BRDT: variants seen among roughly 807,000 people sequenced by gnomAD.
BRDT encodes bromodomain testis-specific protein.
Under a neutral mutation model 113.9 loss-of-function variants are expected in BRDT, and 77 were observed. That is an observed-to-expected ratio of 0.68 (90% CI 0.56 to 0.82). The LOEUF (loss-of-function observed/expected upper bound fraction) is 0.82. Ranked by LOEUF, BRDT falls within the 40% of genes least tolerant of loss-of-function variation. BRDT has a pLI of 0.00. For missense variants in BRDT, 1,027 were observed against 1,105.4 expected (o/e 0.93, Z 1.01); for synonymous variants, 358 against 366.5 (o/e 0.98, Z 0.26).
rs769643899 is a variant in BRDT at position 91,962,886 on chromosome 1, G to A, written c.132G>A (p.Trp44Ter). The A allele has an allele frequency of 6.2e-7, 1 of 1,612,202 alleles. No individual in the cohort carries two copies. Among genetic ancestry groups the A allele is most frequent in the South Asian group, 1.1e-5 (1 of 90,516 alleles). ...AAAAAGTTGTCCTAAAGGATTTATG[G>A]AAGCATAGTTTTTCATGGCCCTTTC... ...YLQKVVLKDLWKHSFSWPFQR... is the reference protein window; with the variant it reads ...YLQKVVLKDL Residue 44 changes from tryptophan to a stop codon, truncating the protein, a stop_gained, in exon 2 of 19, where the codon TGG becomes TGA. Coordinates refer to ENST00000399546, the MANE Select transcript of BRDT (RefSeq NM_207189.4). LOFTEE classifies it high-confidence loss of function.
intron 15 of BRDT, among the ~76,000 whole-genome samples, chr1:91,995,401 T>C (rs953062244): frequency 3.2e-5 from 4 of 124,816 alleles, no homozygotes; most frequent in African/African-American, 1.2e-4. Context: ...CTCCCTACTA[T>C]TCTGTGTGTG....
intron 16 of BRDT, among the ~76,000 whole-genome samples, chr1:92,002,912 C>A (rs1046201302): frequency 2.0e-5 from 3 of 152,158 alleles, no homozygotes; most frequent in African/African-American, 7.2e-5. Flanking sequence ...AAGGTGTTTT[C>A]AGAAACTATG....
intron 16 of BRDT, among the ~76,000 whole-genome samples, chr1:92,003,503 T>C (rs1275193673): frequency 2.0e-5 from 3 of 152,194 alleles, no homozygotes; most frequent in Non-Finnish European, 4.4e-5. Context: ...ATGTGGCTAA[T>C]TGAGCCCTTG....
chr1:91,960,817 T>C (rs775464797), intron 1 of BRDT, among the ~76,000 whole-genome samples: 4 of 152,214 alleles, frequency 2.6e-5, no homozygotes, highest in Non-Finnish European at 2.9e-5. Flanking sequence ...GGGCAACTTA[T>C]TTCATTTTCA....
chr1:91,956,046 C>T (rs1017923963), intron 1 of BRDT, among the ~76,000 whole-genome samples: 1 of 152,120 alleles, frequency 6.6e-6, no homozygotes, highest in Non-Finnish European at 1.5e-5. Context: ...TATAGCCTTC[C>T]CACAGGCCTT....
intron 6 of BRDT, 49 bp from the exon 7 acceptor site, chr1:91,978,119 A>C (rs1426419485): frequency 6.6e-7 from 1 of 1,513,074 alleles, no homozygotes; most frequent in Non-Finnish European, 9.1e-7. Context: ...TGGTCAAATA[A>C]TTATTGAATT....
chr1:91,990,055 G>C (rs1396403682), intron 12 of BRDT, among the ~76,000 whole-genome samples: 6 of 152,182 alleles, frequency 3.9e-5, no homozygotes, highest in African/African-American at 1.2e-4. Flanking sequence ...AGCTGGCTTG[G>C]AGAGACTGAT....
Position 92,002,090 on chromosome 1 carries a change from C to G in BRDT, c.2329C>G (p.Pro777Ala). 1 of 1,613,942 alleles carries G rather than the reference C, an allele frequency of 6.2e-7. No individual in the cohort carries two copies. Among genetic ancestry groups the G allele is most frequent in the Non-Finnish European group, 8.5e-7 (1 of 1,179,870 alleles). The change falls in exon 16 of 19, where the codon CCA becomes GCA. Residue 777 changes from proline to alanine, a missense_variant. Pro to Ala is a conservative substitution (Grantham distance 27). Transcript: ENST00000399546. Reference protein sequence around the residue: ...QLSNGITVMHPSGDSDTTMLE... With the variant: ...QLSNGITVMHASGDSDTTMLE... Reference sequence around the variant, plus strand: ...CTCAAATGGCATAACTGTGATGCATCCATCTGGTGATAGTGACACAACGAT... The same window carrying G: ...CTCAAATGGCATAACTGTGATGCATGCATCTGGTGATAGTGACACAACGAT...
intron 12 of BRDT, among the ~76,000 whole-genome samples, chr1:91,986,336 A>G (rs559931305): frequency 6.6e-6 from 1 of 152,350 alleles, no homozygotes; most frequent in African/African-American, 2.4e-5. Flanking sequence ...AAAAATCAAA[A>G]GGAACAGCTT....
In BRDT at chr1:91,962,757, GTC is replaced by G. The variant is rs1447947106; in HGVS notation, c.7_8del (p.Leu3AlafsTer10). 5.1e-6 allele frequency: 8 copies of G among 1,583,306 alleles called. No homozygotes were observed. In the African/African-American group the frequency reaches 5.5e-5, roughly 11 times the overall value. ...GACAGGATTCAAAGCAGTTAAGAAT[GTC>G]TCTGCCAAGTCGACAAACAGCTATT... Reference protein sequence around the residue: MSLPSRQTAIIV... With the variant: MXLPSRQTAIIV... On this transcript the variant is annotated frameshift_variant, in exon 2 of 19. Coordinates refer to ENST00000399546, the MANE Select transcript of BRDT (RefSeq NM_207189.4). LOFTEE classifies it high-confidence loss of function.
intron 14 of BRDT, 81 bp from the exon 15 acceptor site, chr1:91,994,002 T>C (rs533001336): frequency 8.8e-7 from 1 of 1,139,588 alleles, no homozygotes; most frequent in South Asian, 2.0e-5. Flanking sequence ...AATTATATTC[T>C]TGACTCTTGT....
In BRDT at chr1:92,008,114, C is replaced by T. The variant is rs536034086; in HGVS notation, c.2775+2815C>T. Among the ~76,000 whole-genome samples the T allele has an allele frequency of 4.2e-3, 632 of 152,216 alleles. 2 individuals are homozygous for T. Among genetic ancestry groups the T allele is most frequent in the African/African-American group, 0.014 (574 of 41,530 alleles). Reference sequence around the variant, plus strand: ...TGTATTTTTAGTAGAGCCAAGGTTTCGCCATGTTGGCCAGGCTAGTCTCGA... The same window carrying T: ...TGTATTTTTAGTAGAGCCAAGGTTTTGCCATGTTGGCCAGGCTAGTCTCGA... On this transcript the variant is annotated intron_variant, in intron 18 of 18. Transcript: ENST00000399546.
chr1:91,951,011 G>C (rs1313373653), intron 1 of BRDT, among the ~76,000 whole-genome samples: 1 of 123,608 alleles, frequency 8.1e-6, no homozygotes, highest in African/African-American at 2.9e-5. Flanking sequence ...CTGGATGACA[G>C]TGAGACTCCG....
intron 3 of BRDT, among the ~76,000 whole-genome samples, chr1:91,965,372 G>C (rs1233426803): frequency 2.6e-5 from 4 of 152,078 alleles, no homozygotes; most frequent in African/African-American, 9.7e-5. Context: ...ATGAGAGCTG[G>C]TTTCTGTGAA....
rs1034896594 is a variant in BRDT, at chr1:92,000,156, G to T, written c.2288-1893G>T. On this transcript the variant is annotated intron_variant, in intron 15 of 18. Transcript: ENST00000399546. ...GCCTCCCAAAGTGCTGGGATTGCAG[G>T]CCTGAGCCAGTGCACCCAGTCTGGT... 1.1e-4 allele frequency among the ~76,000 whole-genome samples: 16 copies of T among 152,346 alleles called. No individual in the cohort carries two copies. In the East Asian group the frequency reaches 3.1e-3, roughly 29 times the overall value.
chr1:92,001,699 C>CAA (rs576418599), intron 15 of BRDT, among the ~76,000 whole-genome samples: 5 of 133,126 alleles, frequency 3.8e-5, no homozygotes, highest in African/African-American at 2.8e-5. Flanking sequence ...CCTCTCCCCG[C>CAA]AAAAAAAAAA....
chr1:91,969,809 T>TTG lies in BRDT; in HGVS notation c.445+1563_445+1564dup, dbSNP rs759081138. 2.0e-3 allele frequency among the ~76,000 whole-genome samples: 301 copies of TTG among 146,864 alleles called. 2 individuals are homozygous for TTG. Among genetic ancestry groups the TTG allele is most frequent in the African/African-American group, 2.9e-3 (113 of 39,222 alleles). On this transcript the variant is annotated intron_variant, in intron 4 of 18. Transcript: ENST00000399546. The stretch of plus-strand genomic sequence containing the variant: ...TTCAAGTGTTTAAGTTTTTTTGTTT[T>TTG]TGTGTGTGTGTGTGTTTTTTTTTTT...
Position 91,994,180 on chromosome 1 carries a change from C to T in BRDT, c.2213C>T (p.Ala738Val), listed in dbSNP as rs969948611. ...HVMPPNHHQL[A>V]FNYQELEHLQ... ...ATGCCACCAAATCACCACCAATTAG[C>T]ATTTAATTATCAAGAATTAGAACAT... The change falls in exon 15 of 19, where the codon GCA becomes GTA. Residue 738 changes from alanine to valine, a missense_variant. By Grantham distance (64) the Ala-to-Val change is moderately conservative. Transcript: ENST00000399546. 16 of 1,612,988 alleles carry T rather than the reference C, an allele frequency of 9.9e-6. No individual in the cohort carries two copies. In the Admixed American group the frequency reaches 1.2e-4, roughly 12 times the overall value.
chr1:91,961,596 T>C (rs1299642835), intron 1 of BRDT, among the ~76,000 whole-genome samples: 1 of 151,952 alleles, frequency 6.6e-6, no homozygotes, highest in African/African-American at 2.4e-5. Context: ...GCCATTGCAC[T>C]CCAGCCTGGG....
Sources: gnomAD v4.1 joint callset for allele counts (sites outside exome capture counted in the v4.1 genomes callset) on GRCh38, gnomAD v4.1.1 for gene constraint, MANE v1.5 for transcripts, NCBI Gene and HGNC (gene_info 2026-07-23, HGNC 2026-07-21) for gene names.